Variants in VTI1A observed in about 807,000 individuals in gnomAD.
VTI1A encodes vesicle transport through interaction with t-SNAREs homolog 1A.
Under a neutral mutation model 34.9 loss-of-function variants are expected in VTI1A, and 22 were observed. The observed-to-expected ratio is 0.63, with a 90% CI of 0.45 to 0.90. The LOEUF (loss-of-function observed/expected upper bound fraction) is 0.90. Among genes scored for constraint, VTI1A ranks in the 40% least tolerant of loss-of-function variants. The probability of loss-of-function intolerance (pLI) is 0.00; values close to 1 mark genes in which losing one functional copy is unlikely to be tolerated. For missense variants in VTI1A, 268 were observed against 275.6 expected, an observed-to-expected ratio of 0.97 and a Z score of 0.20; for synonymous variants, 87 against 97.3, an observed-to-expected ratio of 0.89 and a Z score of 0.62.
chr10:112,453,213 G>A (rs966537296), intron 1 of VTI1A, among the ~76,000 whole-genome samples: 1 of 152,168 alleles, frequency 6.6e-6, no homozygotes, highest in African/African-American at 2.4e-5. Context: ...CAGAAGTAAA[G>A]CATCATTTTC....
the VTI1A span, among the ~76,000 whole-genome samples, chr10:112,840,852 G>A: frequency 6.6e-6 from 1 of 152,174 alleles, no homozygotes; most frequent in Admixed American, 6.5e-5. Context: ...GGTTTTGCCT[G>A]GGTTCAAATC....
chr10:112,604,494 A>T (rs944107187), intron 5 of VTI1A, among the ~76,000 whole-genome samples: 1 of 152,162 alleles, frequency 6.6e-6, no homozygotes, highest in Non-Finnish European at 1.5e-5. Flanking sequence ...AAGATACACT[A>T]GGATTAAAAT....
intron 1 of VTI1A, among the ~76,000 whole-genome samples, chr10:112,457,850 C>T (rs926023930): frequency 1.3e-5 from 2 of 151,992 alleles, no homozygotes; most frequent in Non-Finnish European, 2.9e-5. Context: ...GATCAGGGTG[C>T]CATGGGAGCC....
At chr10:112,848,147 G>A in the VTI1A span, among the ~76,000 whole-genome samples, 1 of 152,184 alleles carries the variant, frequency 6.6e-6, no homozygotes, top group Non-Finnish European at 1.5e-5. Flanking sequence ...GTTTCAACAG[G>A]CTCTTCCCAG....
intron 7 of VTI1A, among the ~76,000 whole-genome samples, chr10:112,810,619 T>G (rs1243864859): frequency 6.6e-6 from 1 of 152,114 alleles, no homozygotes; most frequent in Non-Finnish European, 1.5e-5. Context: ...TTGGATGGAC[T>G]TAAGTCACAA....
chr10:112,490,096 G>T (rs1445312946), intron 3 of VTI1A, among the ~76,000 whole-genome samples: 1 of 152,062 alleles, frequency 6.6e-6, no homozygotes, highest in African/African-American at 2.4e-5. Context: ...TTAATTTTCA[G>T]TGGTTAGACC....
At chr10:112,728,057 G>A (rs1003787688) in intron 7 of VTI1A, among the ~76,000 whole-genome samples, 6 of 152,042 alleles carry the variant, frequency 3.9e-5, no homozygotes, top group Admixed American at 6.6e-5. Context: ...GCTGCTGGGG[G>A]GACAGTCTGA....
the VTI1A span, among the ~76,000 whole-genome samples, chr10:112,834,776 GC>G: frequency 1.3e-5 from 2 of 152,198 alleles, no homozygotes; most frequent in Non-Finnish European, 2.9e-5. Flanking sequence ...TTTGCTGAGT[GC>G]CAGGAGACCA....
chr10:112,839,582 A>G, the VTI1A span, among the ~76,000 whole-genome samples: 1 of 152,114 alleles, frequency 6.6e-6, no homozygotes, highest in African/African-American at 2.4e-5. Context: ...ATGGAATCAG[A>G]GAGACAAGGG....
intron 5 of VTI1A, among the ~76,000 whole-genome samples, chr10:112,575,857 A>G (rs1843684950): frequency 6.6e-6 from 1 of 152,140 alleles, no homozygotes; most frequent in African/African-American, 2.4e-5. Flanking sequence ...TTAAATTAAT[A>G]CTATTCCATT....
chr10:112,543,480 T>C (rs1269323669), intron 5 of VTI1A, among the ~76,000 whole-genome samples: 1 of 152,268 alleles, frequency 6.6e-6, no homozygotes, highest in Admixed American at 6.5e-5. Flanking sequence ...TGTCTTCTTT[T>C]GAGAAGTGTC....
At chr10:112,827,218 T>A in the VTI1A span, 1 of 152,240 alleles carries the variant, frequency 6.6e-6, no homozygotes, top group Non-Finnish European at 1.5e-5. Flanking sequence ...ATCGGCTAAT[T>A]AATCGCTCTT....
chr10:112,517,540 A>G (rs560037293), intron 3 of VTI1A, among the ~76,000 whole-genome samples: 59 of 152,214 alleles, frequency 3.9e-4, no homozygotes, highest in African/African-American at 1.3e-3. Flanking sequence ...CAACATGAAA[A>G]GAGGAAAAGG....
At chr10:112,683,213 T>C (rs1359636780) in intron 7 of VTI1A, among the ~76,000 whole-genome samples, 1 of 152,240 alleles carries the variant, frequency 6.6e-6, no homozygotes, top group African/African-American at 2.4e-5. Flanking sequence ...CCTTCTGTTA[T>C]TCATTTGTTC....
At chr10:112,650,280 A>C (rs1486007180) in intron 5 of VTI1A, among the ~76,000 whole-genome samples, 2 of 152,090 alleles carry the variant, frequency 1.3e-5, no homozygotes, top group Non-Finnish European at 2.9e-5. Flanking sequence ...AAACACATAC[A>C]TTAACCTAAG....
chr10:112,819,959 G>C (rs1446391450), downstream of VTI1A, among the ~76,000 whole-genome samples: 1 of 152,206 alleles, frequency 6.6e-6, no homozygotes, highest in East Asian at 1.9e-4. Flanking sequence ...GCTCCACCAT[G>C]GGTGTGAGGG....
intron 3 of VTI1A, among the ~76,000 whole-genome samples, chr10:112,492,732 A>T (rs1475105079): frequency 6.6e-6 from 1 of 151,748 alleles, no homozygotes; most frequent in Non-Finnish European, 1.5e-5. Context: ...GGTTGTAGTG[A>T]GCCAAGACCA....
intron 7 of VTI1A, among the ~76,000 whole-genome samples, chr10:112,708,971 C>T (rs530353901): frequency 2.6e-5 from 4 of 152,334 alleles, no homozygotes; most frequent in Non-Finnish European, 4.4e-5. Flanking sequence ...TATGCCACCC[C>T]GCGGTTGCTG....
chr10:112,576,019 CTT>C (rs760363890), intron 5 of VTI1A, among the ~76,000 whole-genome samples: 3,088 of 131,240 alleles, frequency 0.024, 109 homozygotes, highest in African/African-American at 0.079. Flanking sequence ...CTTTTCTTTT[CTT>C]TTTTTTTTTT....
Sources: gnomAD v4.1 joint callset for allele counts (sites outside exome capture counted in the v4.1 genomes callset) on GRCh38, gnomAD v4.1.1 for gene constraint, MANE v1.5 for transcripts, NCBI Gene and HGNC (gene_info 2026-07-23, HGNC 2026-07-21) for gene names.